REV3L: variants seen among roughly 807,000 people sequenced by gnomAD.
REV3L encodes DNA polymerase zeta catalytic subunit.
A neutral mutation model predicts 299.4 loss-of-function variants in REV3L; 69 were observed. The observed-to-expected ratio is 0.23, with a 90% CI of 0.19 to 0.28. The LOEUF (loss-of-function observed/expected upper bound fraction) is 0.28, where lower values mean the gene tolerates loss of function less well. Ranked by LOEUF, REV3L falls within the 10% of genes least tolerant of loss-of-function variation. The pLI is 1.00. For missense variants in REV3L, 3,128 were observed against 3,693.8 expected (o/e 0.85, Z 3.97); for synonymous variants, 1,238 against 1,271.4 (o/e 0.97, Z 0.56).
upstream of REV3L, chr6:111,483,259 G>C: frequency 2.1e-6 from 1 of 485,008 alleles, no homozygotes. Context: ...GGGTGTGTGT[G>C]GCGAAGGGAG....
At chr6:111,335,733 T>A in intron 21 of REV3L, 123 bp from the exon 22 acceptor site, 3 of 928,204 alleles carry the variant, frequency 3.2e-6, no homozygotes, top group Non-Finnish European at 4.6e-6. Flanking sequence ...AGAGTAATGA[T>A]ATGAGCCTTT....
At chr6:111,370,530 G>T (rs1361914940) in intron 13 of REV3L, among the ~76,000 whole-genome samples, 1 of 151,958 alleles carries the variant, frequency 6.6e-6, no homozygotes, top group African/African-American at 2.4e-5. Flanking sequence ...TATATTTAAG[G>T]TATAAAATAT....
chr6:111,342,434 C>T (rs960312060), intron 21 of REV3L, among the ~76,000 whole-genome samples: 2 of 152,074 alleles, frequency 1.3e-5, no homozygotes, highest in Admixed American at 6.5e-5. Context: ...TTTGGGAGGC[C>T]GAGGCGGGCG....
At chr6:111,377,978 T>G in intron 11 of REV3L, 135 bp from the exon 12 acceptor site, 1 of 655,190 alleles carries the variant, frequency 1.5e-6, no homozygotes, top group Non-Finnish European at 2.3e-6. Flanking sequence ...TACTCTATAG[T>G]AAAACAATAC....
intron 1 of REV3L, chr6:111,431,343 C>A: frequency 9.5e-7 from 1 of 1,047,498 alleles, no homozygotes; most frequent in Non-Finnish European, 1.5e-6. Context: ...GTAGAGCCAC[C>A]AGGATGTCTG....
At chr6:111,337,651 A>G (rs182569767) in intron 21 of REV3L, among the ~76,000 whole-genome samples, 3 of 152,174 alleles carry the variant, frequency 2.0e-5, no homozygotes, top group Non-Finnish European at 4.4e-5. Context: ...GTTTCCTTGT[A>G]TATTTGTTAA....
At chr6:111,431,323 G>A in intron 1 of REV3L, 1 of 1,139,786 alleles carries the variant, frequency 8.8e-7, no homozygotes, top group South Asian at 1.2e-5. Context: ...AAGAAATGGA[G>A]ATTACAGAAG....
At chr6:111,408,989 A>G (rs1210543813) in intron 3 of REV3L, among the ~76,000 whole-genome samples, 1 of 152,148 alleles carries the variant, frequency 6.6e-6, no homozygotes, top group African/African-American at 2.4e-5. Flanking sequence ...CCCACCTACT[A>G]ATTTTAAAGT....
At chr6:111,477,028 A>AT (rs1562374714) in intron 1 of REV3L, among the ~76,000 whole-genome samples, 4 of 152,142 alleles carry the variant, frequency 2.6e-5, no homozygotes, top group Non-Finnish European at 5.9e-5. Context: ...ACTTCGGTGT[A>AT]TTTTTTTCCA....
intron 3 of REV3L, among the ~76,000 whole-genome samples, chr6:111,406,090 T>C (rs574240668): frequency 6.6e-6 from 1 of 152,168 alleles, no homozygotes; most frequent in East Asian, 1.9e-4. Flanking sequence ...ATATACAGCA[T>C]AGTTAAGTAC....
chr6:111,318,726 A>G (rs1773806202), intron 26 of REV3L, among the ~76,000 whole-genome samples: 1 of 151,608 alleles, frequency 6.6e-6, no homozygotes, highest in African/African-American at 2.4e-5. Context: ...ATGCACGACC[A>G]CGCCCGGCTA....
At position 111,349,270 on chromosome 6, in the gene REV3L, A is replaced by G. The variant is rs1777344373; in HGVS notation, c.7367T>C (p.Ile2456Thr). 1 of 1,608,144 alleles carries G rather than the reference A, an allele frequency of 6.2e-7. No individual in the cohort carries two copies. The highest frequency in any genetic ancestry group is 8.5e-7 in the Non-Finnish European group (1 of 1,175,876). ...DEYGSYTMSEINIVGRITLNL... is the reference protein window; with the variant it reads ...DEYGSYTMSETNIVGRITLNL... ...TAGTGTAATTCGGCCAACAATATTT[A>G]TCTCACTCATTGTATATGATCCATA... is the stretch of plus-strand genomic sequence containing the variant. Residue 2456 changes from isoleucine (I) to threonine (T), a missense_variant, in exon 20 of 32, where the codon ATA becomes ACA. Around this residue, in one of 9 missense-constraint regions of REV3L, gnomAD observed 50 missense variants for 48.2 expected, o/e 1.04. Transcript: ENST00000368802.
At chr6:111,367,038 T>C in intron 14 of REV3L, 77 bp downstream of exon 14, 1 of 1,231,490 alleles carries the variant, frequency 8.1e-7, no homozygotes, top group Non-Finnish European at 1.1e-6. Flanking sequence ...GCTCTGATTT[T>C]CATTACAGTC....
intron 21 of REV3L, among the ~76,000 whole-genome samples, chr6:111,342,144 AC>A (rs374610290): frequency 1.5e-3 from 231 of 152,320 alleles, no homozygotes; most frequent in Non-Finnish European, 2.7e-3. Flanking sequence ...GCCTGTTCCA[AC>A]CATAGGCTTT....
In REV3L at chr6:111,367,656, A is replaced by G. The variant is rs902455256; in HGVS notation, c.6132T>C (p.Asp2044=). The change falls in exon 14 of 32, where the codon GAT becomes GAC. Residue 2044 remains aspartate, a synonymous_variant. Transcript: ENST00000368802. ...AENFSSSVNP[D]DKPVVPPKMD... ...TTTTTGGAGGCACTACAGGTTTGTC[A>G]TCTGGGTTAACTGAAGAGCTAAAGT... The G allele has an allele frequency of 6.2e-7, 1 of 1,614,186 alleles. No individual in the cohort carries two copies.
Position 111,376,079 on chromosome 6 carries a change from G to A in REV3L, c.2276C>T (p.Ser759Phe). The change falls in exon 13 of 32, where the codon TCT (serine) becomes TTT (phenylalanine). Residue 759 changes from serine (S) to phenylalanine (F), a missense_variant. Ser to Phe is a radical substitution (Grantham distance 155, BLOSUM62 -2). Coordinates refer to ENST00000368802, the MANE Select transcript of REV3L (RefSeq NM_001372078.1). ...CSGENRTMVH[S>F]LNSTADESGL... Reference sequence around the variant, plus strand: ...ACTTTCATCAGCAGTGCTATTAAGAGAATGCACCATAGTTCTATTCTCCCC... The same window carrying A: ...ACTTTCATCAGCAGTGCTATTAAGAAAATGCACCATAGTTCTATTCTCCCC... 1 of 1,613,796 alleles carries A rather than the reference G, an allele frequency of 6.2e-7. No individual in the cohort carries two copies. The highest frequency in any genetic ancestry group is 1.1e-5 in the South Asian group (1 of 91,076).
rs1294325409 is a variant in REV3L at position 111,440,124 on chromosome 6, T to C, written c.140-23652A>G. Among the ~76,000 whole-genome samples the C allele has an allele frequency of 3.3e-5, 5 of 152,204 alleles. No homozygotes were observed. In the East Asian group the frequency reaches 5.8e-4, roughly 18 times the overall value. ...TCTTGTTGCCCAGGCTGGAGTACAATGGCACAATCTTGGCTCACTGCAACC... is the reference window on the plus strand; with the variant it reads ...TCTTGTTGCCCAGGCTGGAGTACAACGGCACAATCTTGGCTCACTGCAACC... On this transcript the variant is annotated intron_variant, in intron 1 of 31. Transcript: ENST00000368802.
chr6:111,369,568 T>C (rs1348572020), intron 13 of REV3L, among the ~76,000 whole-genome samples: 2 of 152,104 alleles, frequency 1.3e-5, no homozygotes, highest in Non-Finnish European at 2.9e-5. Context: ...CAATAATATA[T>C]ACATGATGCA....
intron 15 of REV3L, 36 bp downstream of exon 15, chr6:111,365,229 C>T (rs753271388): frequency 2.5e-6 from 3 of 1,222,412 alleles, no homozygotes; most frequent in Non-Finnish European, 2.3e-6. Context: ...AAGACTGGCT[C>T]TTCCACTGAT....
Sources: allele counts gnomAD v4.1 joint callset (sites outside exome capture counted in the v4.1 genomes callset), GRCh38; gene constraint gnomAD v4.1.1; regional missense constraint gnomAD v4.1.1; transcripts MANE v1.5; gene names NCBI Gene and HGNC (gene_info 2026-07-23, HGNC 2026-07-21).